SELP: variants seen among roughly 807,000 people sequenced by gnomAD.
The protein encoded by SELP is P-selectin.
A neutral mutation model predicts 104.1 loss-of-function variants in SELP; 92 were observed. The observed-to-expected ratio is 0.88, with a 90% CI of 0.75 to 1.05. The LOEUF is 1.05. Among genes scored for constraint, SELP ranks in the 50% least tolerant of loss-of-function variants. SELP has a pLI of 0.00. For missense variants in SELP, 1,022 were observed against 1,017.3 expected, an observed-to-expected ratio of 1.00 and a Z score of -0.06; for synonymous variants, 397 against 364.5, an observed-to-expected ratio of 1.09 and a Z score of -1.01.
chr1:169,594,492 T>C (rs948764433), intron 13 of SELP, among the ~76,000 whole-genome samples, 200 bp downstream of exon 13: 4 of 152,160 alleles, frequency 2.6e-5, no homozygotes, highest in African/African-American at 9.7e-5. Context: ...GAGGGGTGAT[T>C]ACCTACACAG....
At position 169,619,194 on chromosome 1, in the gene SELP, T is replaced by C. The variant is rs764678047; in HGVS notation, c.29A>G (p.Tyr10Cys). Residue 10 changes from tyrosine (Y) to cysteine (C), a missense_variant, in exon 2 of 17, where the codon TAC (tyrosine) becomes TGC (cysteine). Tyr to Cys is a radical substitution (Grantham distance 194). Transcript: ENST00000263686. ...AAAGACCACTCTCTGGAATCTCTGGTACAAGATGGCTATTTGGCAGTTGGC... is the reference window on the plus strand; with the variant it reads ...AAAGACCACTCTCTGGAATCTCTGGCACAAGATGGCTATTTGGCAGTTGGC... Reference protein sequence around the residue: MANCQIAILYQRFQRVVFGI... With the variant: MANCQIAILCQRFQRVVFGI... 1.2e-6 allele frequency: 2 copies of C among 1,614,066 alleles called. No individual in the cohort carries two copies. Among genetic ancestry groups the C allele is most frequent in the Non-Finnish European group, 1.7e-6 (2 of 1,179,914 alleles).
At chr1:169,605,096 G>A (rs896402474) in intron 9 of SELP, among the ~76,000 whole-genome samples, 1 of 152,172 alleles carries the variant, frequency 6.6e-6, no homozygotes, top group South Asian at 2.1e-4. Context: ...AACACCCAGA[G>A]GCAGGACAGT....
At chr1:169,607,239 G>A in intron 8 of SELP, 105 bp from the exon 9 acceptor site, 1 of 930,964 alleles carries the variant, frequency 1.1e-6, no homozygotes, top group Non-Finnish European at 1.5e-6. Flanking sequence ...TTCCTGAATT[G>A]GGCTTGTTTA....
rs1273446411 is a variant in SELP at position 169,619,183 on chromosome 1, G to A, written c.40C>T (p.Gln14Ter). 6.2e-7 allele frequency: 1 copy of A among 1,614,010 alleles called. No homozygotes were observed. The highest frequency in any genetic ancestry group is 1.7e-5 in the Admixed American group (1 of 60,020). ...CQIAILYQRFQRVVFGISQLL... is the reference protein window; with the variant it reads ...CQIAILYQRF ...TGGGAAATTCCAAAGACCACTCTCT[G>A]GAATCTCTGGTACAAGATGGCTATT... The change falls in exon 2 of 17, where the codon CAG (glutamine) becomes TAG (stop). Residue 14 changes from glutamine (Q) to a stop codon, truncating the protein, a stop_gained. Coordinates refer to ENST00000263686, the MANE Select transcript of SELP (RefSeq NM_003005.4). LOFTEE classifies it high-confidence loss of function.
rs775089159 is a variant in SELP, at chr1:169,611,684, A to T, written c.962-7T>A. 1.6e-5 allele frequency: 26 copies of T among 1,612,230 alleles called. No individual in the cohort carries two copies. The African/African-American group carries it at 3.4e-4, about 21-fold the overall frequency. ...AGGTGCTGACACTGCACAGCTGGAG[A>T]GAATAACCAAGGATAAAGAGAAAGA... is the stretch of plus-strand genomic sequence containing the variant. On this transcript the variant is annotated splice_region_variant and splice_polypyrimidine_tract_variant and intron_variant, in intron 6 of 16. Coordinates refer to ENST00000263686, the MANE Select transcript of SELP (RefSeq NM_003005.4).
At position 169,625,990 on chromosome 1, in the gene SELP, G is replaced by T. The variant is rs926533224; in HGVS notation, c.3+4082C>A. 2.6e-5 allele frequency among the ~76,000 whole-genome samples: 4 copies of T among 152,296 alleles called. No homozygotes were observed. The South Asian group carries it at 8.3e-4, about 32-fold the overall frequency. Reference sequence around the variant, plus strand: ...GATAGAATGACTGTGTCACTATGTTGGTCAGGAACGTCAGGGAAGACCTCT... The same window carrying T: ...GATAGAATGACTGTGTCACTATGTTTGTCAGGAACGTCAGGGAAGACCTCT... On this transcript the variant is annotated intron_variant, in intron 1 of 16. Transcript: ENST00000263686.
chr1:169,595,534 AT>A (rs1661564422), intron 12 of SELP, among the ~76,000 whole-genome samples: 1 of 152,202 alleles, frequency 6.6e-6, no homozygotes, highest in African/African-American at 2.4e-5. Context: ...AATATCATGT[AT>A]GGCTTAACTT....
intron 13 of SELP, 100 bp from the exon 14 acceptor site, chr1:169,593,824 G>T: frequency 2.6e-6 from 3 of 1,164,628 alleles, no homozygotes; most frequent in South Asian, 3.2e-5. Flanking sequence ...TAAGATGTGC[G>T]ATCAAGTAGG....
intron 9 of SELP, 33 bp downstream of exon 9, chr1:169,606,916 A>G (rs761485763): frequency 5.0e-6 from 8 of 1,586,844 alleles, no homozygotes; most frequent in South Asian, 2.3e-5. Flanking sequence ...CCTACAATTT[A>G]TTTCCATGAT....
Position 169,590,795 on chromosome 1 carries a change from A to G in SELP, c.2439-593T>C, listed in dbSNP as rs559141831. Among the ~76,000 whole-genome samples the G allele has an allele frequency of 2.5e-3, 384 of 151,462 alleles. 1 individual carries two copies. Among genetic ancestry groups the G allele is most frequent in the Non-Finnish European group, 4.7e-3 (319 of 67,460 alleles). On this transcript the variant is annotated intron_variant, in intron 15 of 16. Coordinates refer to ENST00000263686, the MANE Select transcript of SELP (RefSeq NM_003005.4). The stretch of plus-strand genomic sequence containing the variant: ...TTGGGGGCATACTGTCCCTTTTTGA[A>G]AACTATTGCTAGATTATAAATAGCA...
intron 9 of SELP, 103 bp downstream of exon 9, chr1:169,606,845 TC>T (rs1263633442): frequency 1.9e-6 from 2 of 1,042,286 alleles, no homozygotes; most frequent in African/African-American, 3.2e-5. Flanking sequence ...AATTTTCCAG[TC>T]CATTTCAAGG....
Position 169,613,033 on chromosome 1 carries a change from G to C in SELP, c.671C>G (p.Ser224Trp). 1 of 1,613,710 alleles carries C rather than the reference G, an allele frequency of 6.2e-7. No individual in the cohort carries two copies. The highest frequency in any genetic ancestry group is 8.5e-7 in the Non-Finnish European group (1 of 1,179,726). Residue 224 changes from serine to tryptophan, a missense_variant, in exon 5 of 17, where the codon TCG becomes TGG. Coordinates refer to ENST00000263686, the MANE Select transcript of SELP (RefSeq NM_003005.4). Reference sequence around the variant, plus strand: ...GTCAGTGCAGTGGAAGCTGCACTGCGAGTTAAAAGAGAAGTTTCCCAGAGG... The same window carrying C: ...GTCAGTGCAGTGGAAGCTGCACTGCCAGTTAAAAGAGAAGTTTCCCAGAGG... ...SHPLGNFSFNSQCSFHCTDGY... is the reference protein window; with the variant it reads ...SHPLGNFSFNWQCSFHCTDGY...
intron 3 of SELP, among the ~76,000 whole-genome samples, chr1:169,615,675 C>T (rs1409361807): frequency 6.6e-6 from 1 of 152,080 alleles, no homozygotes; most frequent in Non-Finnish European, 1.5e-5. Flanking sequence ...CATCCTGATC[C>T]ATGAATATAT....
rs770294837 is a variant in SELP at position 169,617,144 on chromosome 1, G to C, written c.365C>G (p.Pro122Arg). 35 of 1,613,964 alleles carry C rather than the reference G, an allele frequency of 2.2e-5. 1 individual carries two copies. In the South Asian group the frequency reaches 3.8e-4, roughly 18 times the overall value. The change falls in exon 3 of 17, where the codon CCT (proline) becomes CGT (arginine). Residue 122 changes from proline (P) to arginine (R), a missense_variant. Physicochemically the swap from Pro to Arg is moderately radical, Grantham distance 103. Transcript: ENST00000263686. ...GTCCTCGTTGTTCCTTTTGTTGTTA[G>C]GTTCATTATCAGCCCAGTTCTCAGC... ...NEAENWADNE[P>R]NNKRNNEDCV...
chr1:169,620,187 G>A (rs1272298004), intron 1 of SELP, among the ~76,000 whole-genome samples: 2 of 152,056 alleles, frequency 1.3e-5, no homozygotes, highest in Non-Finnish European at 2.9e-5. Context: ...TATCCGGGGC[G>A]ACAGTGCAAG....
chr1:169,597,195 A>T lies in SELP; in HGVS notation c.1706-19T>A. The stretch of plus-strand genomic sequence containing the variant: ...TTGATGGCTAGAGTATCAAATTAAG[A>T]GTGTCACAATCTCCAAGTTTATTCA... On this transcript the variant is annotated intron_variant, in intron 10 of 16. Transcript: ENST00000263686. The T allele has an allele frequency of 6.4e-7, 1 of 1,554,476 alleles. No individual in the cohort carries two copies.
At chr1:169,613,199 T>A in intron 4 of SELP, 85 bp from the exon 5 acceptor site, 1 of 1,239,108 alleles carries the variant, frequency 8.1e-7, no homozygotes, top group Non-Finnish European at 1.1e-6. Flanking sequence ...ACTATTTGTG[T>A]AACCCTCTTA....
intron 10 of SELP, among the ~76,000 whole-genome samples, chr1:169,597,440 A>C (rs1661685004): frequency 6.6e-6 from 1 of 152,068 alleles, no homozygotes; most frequent in African/African-American, 2.4e-5. Flanking sequence ...ATACTCAAGA[A>C]CTTACAATGT....
At chr1:169,623,191 A>G (rs1202964726) in intron 1 of SELP, among the ~76,000 whole-genome samples, 2 of 151,752 alleles carry the variant, frequency 1.3e-5, no homozygotes, top group African/African-American at 2.4e-5. Flanking sequence ...GCTTTGCTCT[A>G]TTCAGACAGA....
Sources: gnomAD v4.1 joint callset for allele counts (sites outside exome capture counted in the v4.1 genomes callset) on GRCh38, gnomAD v4.1.1 for gene constraint, MANE v1.5 for transcripts, NCBI Gene and HGNC (gene_info 2026-07-23, HGNC 2026-07-21) for gene names.